GRIN2A: variants seen among roughly 807,000 people sequenced by gnomAD.
The protein encoded by GRIN2A is glutamate ionotropic receptor NMDA type subunit 2A.
GRIN2A carries 22 observed loss-of-function variants against 113.4 expected under a neutral mutation model. The ratio of observed to expected loss-of-function variants is 0.19; its 90% CI spans 0.14 to 0.28. The LOEUF (loss-of-function observed/expected upper bound fraction) is 0.28. GRIN2A is among the 10% of genes least tolerant of loss of function. The pLI, the probability that GRIN2A is intolerant of heterozygous loss-of-function variation, is 1.00. For missense variants in GRIN2A, 1,502 were observed against 1,887.0 expected, an observed-to-expected ratio of 0.80 and a Z score of 3.78; for synonymous variants, 827 against 738.4, an observed-to-expected ratio of 1.12 and a Z score of -1.94.
chr16:10,055,068 AAAAAAAAAAAAAAAAAAGAAAAAAGAAAG>A (rs2047426668), intron 2 of GRIN2A, among the ~76,000 whole-genome samples: 1 of 80,556 alleles, frequency 1.2e-5, no homozygotes, highest in Non-Finnish European at 2.4e-5. Context: ...AAAAAAAAAA[AAAAAAAAAAAAAAAAAAGAAAAAAGAAAG>A]AAAGAAAGAA....
intron 2 of GRIN2A, among the ~76,000 whole-genome samples, chr16:10,128,705 A>T (rs182380806): frequency 5.4e-4 from 83 of 152,346 alleles, no homozygotes; most frequent in African/African-American, 1.9e-3. Flanking sequence ...TTTACATGCT[A>T]AATGTCTCTA....
At chr16:9,849,610 T>A (rs555283545) in intron 5 of GRIN2A, 146 bp downstream of exon 5, 41 of 723,084 alleles carry the variant, frequency 5.7e-5, no homozygotes, top group Middle Eastern at 5.5e-4. Context: ...AAGTCTTTTT[T>A]AAATTGATTA....
At chr16:9,975,149 G>C (rs1356378675) in intron 2 of GRIN2A, among the ~76,000 whole-genome samples, 1 of 152,058 alleles carries the variant, frequency 6.6e-6, no homozygotes. Flanking sequence ...TAGATTAAAA[G>C]CCAATAAATA....
chr16:10,013,948 C>A (rs1341343832), intron 2 of GRIN2A, among the ~76,000 whole-genome samples: 1 of 152,218 alleles, frequency 6.6e-6, no homozygotes, highest in African/African-American at 2.4e-5. Context: ...CTCAGACCAG[C>A]TACCAGTCTG....
In GRIN2A at chr16:9,762,183, GA is replaced by G; in HGVS notation, c.*965del. The stretch of plus-strand genomic sequence containing the variant: ...AATTGGACACCACCATGGCTGTTTG[GA>G]AACGGAACGAGTTATGGTTACTCTG... On this transcript the variant is annotated 3_prime_UTR_variant, in exon 13 of 13. Transcript: ENST00000330684. The G allele has an allele frequency of 4.6e-6, 1 of 219,654 alleles. No homozygotes were observed. The highest frequency in any genetic ancestry group is 9.2e-6 in the Non-Finnish European group (1 of 109,074). The allele number at this position is 219,654 out of a possible 1,614,324, so 13.6% of individuals were successfully genotyped here.
intron 2 of GRIN2A, among the ~76,000 whole-genome samples, chr16:10,179,040 T>G (rs1364458730): frequency 1.3e-5 from 2 of 152,178 alleles, no homozygotes; most frequent in African/African-American, 4.8e-5. Flanking sequence ...TCCAGCCTTC[T>G]TCCTTCCCTC....
At chr16:9,925,045 C>G (rs148288869) in intron 3 of GRIN2A, among the ~76,000 whole-genome samples, 1 of 152,084 alleles carries the variant, frequency 6.6e-6, no homozygotes, top group African/African-American at 2.4e-5. Flanking sequence ...CTTTGCATGC[C>G]TGGTAACTTT....
chr16:10,067,086 C>A (rs1377428526), intron 2 of GRIN2A, among the ~76,000 whole-genome samples: 3 of 152,220 alleles, frequency 2.0e-5, no homozygotes, highest in African/African-American at 7.2e-5. Flanking sequence ...AACTCTCTCA[C>A]ATTTTTTCTC....
chr16:10,149,229 G>C (rs961845115), intron 2 of GRIN2A, among the ~76,000 whole-genome samples: 3 of 152,172 alleles, frequency 2.0e-5, no homozygotes, highest in Admixed American at 2.0e-4. Context: ...AGTATAATTG[G>C]ATTGTTTGTC....
intron 2 of GRIN2A, among the ~76,000 whole-genome samples, chr16:10,015,252 C>CAAAAAAAAAAAAAAAAAAAAAAAAA (rs200124835): frequency 1.2e-3 from 23 of 19,290 alleles, no homozygotes; most frequent in African/African-American, 1.7e-3. Flanking sequence ...GACTTCATCT[C>CAAAAAAAAAAAAAAAAAAAAAAAAA]AAAAAAAAAA....
chr16:10,019,361 G>A (rs2046673458), intron 2 of GRIN2A, among the ~76,000 whole-genome samples: 1 of 152,176 alleles, frequency 6.6e-6, no homozygotes, highest in African/African-American at 2.4e-5. Flanking sequence ...GATTATGCAT[G>A]GAAAGCATCT....
intron 2 of GRIN2A, among the ~76,000 whole-genome samples, chr16:10,175,107 G>A (rs1567350739): frequency 6.6e-6 from 1 of 152,220 alleles, no homozygotes; most frequent in East Asian, 1.9e-4. Flanking sequence ...GAGGCTTGTA[G>A]CCTAGGAGCA....
At chr16:9,845,643 C>T (rs1032203535) in intron 5 of GRIN2A, among the ~76,000 whole-genome samples, 4 of 152,168 alleles carry the variant, frequency 2.6e-5, no homozygotes, top group African/African-American at 9.7e-5. Context: ...TCCCAAACTC[C>T]CAAGCTCCTT....
At chr16:10,069,297 G>A (rs528465133) in intron 2 of GRIN2A, among the ~76,000 whole-genome samples, 2 of 152,326 alleles carry the variant, frequency 1.3e-5, no homozygotes, top group African/African-American at 4.8e-5. Flanking sequence ...CATTGCACTA[G>A]ACTCTGGTGG....
intron 11 of GRIN2A, chr16:9,794,650 T>A (rs1047838941): frequency 6.6e-6 from 1 of 152,174 alleles, no homozygotes; most frequent in Admixed American, 6.5e-5. Flanking sequence ...AATAGAGACA[T>A]TTCCCAAACC....
At chr16:9,864,937 T>C (rs1016013984) in intron 4 of GRIN2A, among the ~76,000 whole-genome samples, 1 of 152,230 alleles carries the variant, frequency 6.6e-6, no homozygotes, top group Non-Finnish European at 1.5e-5. Flanking sequence ...ATGAGGATGC[T>C]AACCAAAGCC....
intron 2 of GRIN2A, among the ~76,000 whole-genome samples, chr16:10,165,432 A>G (rs1017514105): frequency 2.7e-5 from 4 of 150,092 alleles, no homozygotes; most frequent in Non-Finnish European, 1.5e-5. Context: ...TCTAAAATAC[A>G]TATGTATAGA....
chr16:9,850,116 G>A (rs1242812918), intron 4 of GRIN2A, among the ~76,000 whole-genome samples, 155 bp from the exon 5 acceptor site: 2 of 152,146 alleles, frequency 1.3e-5, no homozygotes, highest in African/African-American at 4.8e-5. Flanking sequence ...AGACAAACGG[G>A]CATAAAGAGA....
rs2141150753 is a variant in GRIN2A at position 9,768,986 on chromosome 16, T to A, written c.2460A>T (p.Val820=). 6.2e-7 allele frequency: 1 copy of A among 1,614,112 alleles called. No individual in the cohort carries two copies. The highest frequency in any genetic ancestry group is 8.5e-7 in the Non-Finnish European group (1 of 1,179,958). Residue 820 remains valine, a synonymous_variant, in exon 12 of 13, where the codon GTA becomes GTT. Transcript: ENST00000330684. The part of the protein sequence containing the change: ...SQLDIDNMAG[V]FYMLAAAMAL... Reference sequence around the variant, plus strand: ...CCATGGCGGCAGCCAGCATGTAGAATACGCCCGCCATGTTGTCAATGTCCA... The same window carrying A: ...CCATGGCGGCAGCCAGCATGTAGAAAACGCCCGCCATGTTGTCAATGTCCA...
Sources: gnomAD v4.1 joint callset for allele counts (sites outside exome capture counted in the v4.1 genomes callset) on GRCh38, gnomAD v4.1.1 for gene constraint, MANE v1.5 for transcripts, NCBI Gene and HGNC (gene_info 2026-07-23, HGNC 2026-07-21) for gene names.